The following OR7D2 variants were observed in gnomAD, a reference collection of about 807,000 sequenced individuals.
OR7D2 encodes olfactory receptor family 7 subfamily D member 2, also known as olfactory receptor 7D2.
For synonymous variants in OR7D2, 158 were observed against 158.7 expected (o/e 1.00, Z 0.03); for missense variants, 370 against 384.1 (o/e 0.96, Z 0.31).
rs1489964811 is a variant in OR7D2 at position 9,187,581 on chromosome 19, T to C, written c.*861T>C. On this transcript the variant is annotated 3_prime_UTR_variant, in exon 3 of 3. Coordinates refer to ENST00000641288, the MANE Select transcript of OR7D2 (RefSeq NM_175883.4). ...GGATGAGTTCTTTAGTGGTGACTTCTGAGTTTTTAGTGTACCCGTCACCCA... is the reference window on the plus strand; with the variant it reads ...GGATGAGTTCTTTAGTGGTGACTTCCGAGTTTTTAGTGTACCCGTCACCCA... The C allele has an allele frequency of 6.6e-5, 11 of 167,050 alleles. No homozygotes were observed. The highest frequency in any genetic ancestry group is 2.9e-5 in the Non-Finnish European group (2 of 68,120). The allele number at this position is 167,050 out of a possible 1,614,324, so 10.3% of individuals were successfully genotyped here.
chr19:9,184,759 ATATG>A (rs2051017910), intron 2 of OR7D2, among the ~76,000 whole-genome samples: 2 of 152,194 alleles, frequency 1.3e-5, no homozygotes, highest in Middle Eastern at 3.4e-3. Flanking sequence ...GTGTGTATAT[ATATG>A]TATGTGTGTG....
intron 2 of OR7D2, among the ~76,000 whole-genome samples, chr19:9,183,212 C>T (rs888256153): frequency 3.3e-5 from 5 of 152,124 alleles, no homozygotes; most frequent in African/African-American, 4.8e-5. Flanking sequence ...GGGTGGGTTC[C>T]GGGGCAGTGG....
At chr19:9,185,104 T>C (rs1192175730) in intron 2 of OR7D2, among the ~76,000 whole-genome samples, 1 of 152,106 alleles carries the variant, frequency 6.6e-6, no homozygotes, top group Non-Finnish European at 1.5e-5. Flanking sequence ...AGTCTAGAGA[T>C]CCAGTGTACC....
In OR7D2 at chr19:9,185,872, T is replaced by C. The variant is rs1488651035; in HGVS notation, c.91T>C (p.Phe31Leu). ...PELQPFIFGLFLSMYLVTVLG... is the reference protein window; with the variant it reads ...PELQPFIFGLLLSMYLVTVLG... ...ACTACAGCCGTTCATATTTGGGCTG[T>C]TCCTGTCCATGTACCTGGTGACGGT... Residue 31 changes from phenylalanine to leucine, a missense_variant, in exon 3 of 3, where the codon TTC becomes CTC. By Grantham distance (22) the Phe-to-Leu change is conservative. Transcript: ENST00000641288. 2 of 1,613,766 alleles carry C rather than the reference T, an allele frequency of 1.2e-6. No homozygotes were observed.
rs188597106 is a variant in OR7D2, at chr19:9,182,566, G to A, written c.-14+1778G>A. 58 of 166,246 alleles carry A rather than the reference G, an allele frequency of 3.5e-4. 2 individuals carry two copies. The East Asian group carries it at 8.5e-3, about 24-fold the overall frequency. The allele number at this position is 166,246 out of a possible 1,614,324, so 10.3% of individuals were successfully genotyped here. A position where few individuals can be genotyped will look rare whatever the true frequency, so the allele number is the denominator to read the frequency against. ...GGAGTCTCGCTCTCTCGCCCAGGCT[G>A]GAGTGCAGTGTCGCGAGATCTCGGC... On this transcript the variant is annotated intron_variant, in intron 2 of 2. Coordinates refer to ENST00000641288, the MANE Select transcript of OR7D2 (RefSeq NM_175883.4).
At chr19:9,179,829 C>A (rs2050977995) in intron 1 of OR7D2, among the ~76,000 whole-genome samples, 2 of 151,830 alleles carry the variant, frequency 1.3e-5, no homozygotes. Context: ...CATGGTGAAA[C>A]CCTGTCTCTA....
chr19:9,184,697 A>G (rs1007052632), intron 2 of OR7D2, among the ~76,000 whole-genome samples: 2 of 152,102 alleles, frequency 1.3e-5, no homozygotes. Flanking sequence ...TGTGATATAT[A>G]TGTATATGTA....
rs201439704 is a variant in OR7D2, at chr19:9,186,617, C to T, written c.836C>T (p.Thr279Ile). 2.6e-4 allele frequency: 421 copies of T among 1,613,950 alleles called. 6 individuals are homozygous for T. The Admixed American group carries it at 6.8e-3, about 26-fold the overall frequency. Residue 279 changes from threonine (T) to isoleucine (I), a missense_variant, in exon 3 of 3, where the codon ACT (threonine) becomes ATT (isoleucine). By Grantham distance (89) the Thr-to-Ile change is moderately conservative (BLOSUM62 -1). Coordinates refer to ENST00000641288, the MANE Select transcript of OR7D2 (RefSeq NM_175883.4). ...QKISVASVMY[T>I]VVTPMLNPFI... The stretch of plus-strand genomic sequence containing the variant: ...ATCTCCGTGGCCTCGGTGATGTACA[C>T]TGTGGTCACCCCCATGTTGAACCCC...
intron 2 of OR7D2, among the ~76,000 whole-genome samples, chr19:9,181,184 T>C (rs1375526491): frequency 4.4e-5 from 6 of 136,118 alleles, no homozygotes; most frequent in Admixed American, 4.1e-4. Context: ...TTGGCATTAA[T>C]ACCATATTAT....
In OR7D2 at chr19:9,187,800, C is replaced by G. The variant is rs1436827268; in HGVS notation, c.*1080C>G. 1 of 166,040 alleles carries G rather than the reference C, an allele frequency of 6.0e-6. No homozygotes were observed. Among genetic ancestry groups the G allele is most frequent in the Non-Finnish European group, 1.5e-5 (1 of 68,098 alleles). 10.3% of individuals were successfully genotyped at this position (166,040 alleles called of 1,614,324 possible). A position where few individuals can be genotyped will look rare whatever the true frequency, so the allele number is the denominator to read the frequency against. On this transcript the variant is annotated 3_prime_UTR_variant, in exon 3 of 3. Transcript: ENST00000641288. ...ACAAACAAGTCCAGGTTTTTCATTC[C>G]TGAGTTACTTCACCTAGAGTAATGA...
chr19:9,184,031 C>T (rs561249092), intron 2 of OR7D2, among the ~76,000 whole-genome samples: 2 of 147,120 alleles, frequency 1.4e-5, no homozygotes, highest in African/African-American at 5.0e-5. Flanking sequence ...AAGGGAACCC[C>T]TTGTGCCCTG....
In OR7D2 at chr19:9,179,141, C is replaced by T. The variant is rs2145977331; in HGVS notation, c.-105+18C>T. ...CAAGCAATGTCAGTTGAGTGACTCA[C>T]ACTATCCTTGTTAGTACCGTGTGTG... is the stretch of plus-strand genomic sequence containing the variant. On this transcript the variant is annotated intron_variant, in intron 1 of 2. Transcript: ENST00000641288. The T allele has an allele frequency of 6.6e-6, 1 of 152,060 alleles. No individual in the cohort carries two copies. Among genetic ancestry groups the T allele is most frequent in the Non-Finnish European group, 1.5e-5 (1 of 68,012 alleles). The allele number at this position is 152,060 out of a possible 1,614,324, so 9.4% of individuals were successfully genotyped here. A position where few individuals can be genotyped will look rare whatever the true frequency, so the allele number is the denominator to read the frequency against.
chr19:9,185,032 G>A (rs994788588), intron 2 of OR7D2, among the ~76,000 whole-genome samples: 3 of 152,016 alleles, frequency 2.0e-5, no homozygotes, highest in African/African-American at 7.2e-5. Flanking sequence ...GGTGCGGCTG[G>A]GGGAGAAAAT....
At chr19:9,180,073 T>C (rs1208872885) in intron 1 of OR7D2, among the ~76,000 whole-genome samples, 1 of 152,056 alleles carries the variant, frequency 6.6e-6, no homozygotes, top group Non-Finnish European at 1.5e-5. Flanking sequence ...CTGCACCAGA[T>C]GTTACATATA....
rs757326874 is a variant in OR7D2 at position 9,185,731 on chromosome 19, C to A, written c.-13-38C>A. 8.4e-6 allele frequency: 11 copies of A among 1,317,114 alleles called. 1 individual carries two copies. The highest frequency in any genetic ancestry group is 9.5e-6 in the Non-Finnish European group (9 of 951,468). The allele number at this position is 1,317,114 out of a possible 1,614,324, so 81.6% of individuals were successfully genotyped here. On this transcript the variant is annotated intron_variant, in intron 2 of 2. Transcript: ENST00000641288. The stretch of plus-strand genomic sequence containing the variant: ...CCCGAGTAGCTGGGACTACAGGTGT[C>A]CACCACCATGCCTGGCTAATGACCT...
At chr19:9,184,448 T>A (rs1288184950) in intron 2 of OR7D2, among the ~76,000 whole-genome samples, 4 of 151,746 alleles carry the variant, frequency 2.6e-5, no homozygotes, top group Non-Finnish European at 5.9e-5. Context: ...ATTTTGAGAC[T>A]CTTTCTCAAA....
At position 9,186,551 on chromosome 19, in the gene OR7D2, G is replaced by A. The variant is rs1568323517; in HGVS notation, c.770G>A (p.Gly257Glu). ...VVSLFYGTGI[G>E]VHFTSAVTHS... Reference sequence around the variant, plus strand: ...TCTTTATTTTATGGGACAGGCATTGGGGTCCACTTCACTTCTGCGGTGACT... The same window carrying A: ...TCTTTATTTTATGGGACAGGCATTGAGGTCCACTTCACTTCTGCGGTGACT... The change falls in exon 3 of 3, where the codon GGG becomes GAG. Residue 257 changes from glycine to glutamate, a missense_variant. Transcript: ENST00000641288. 1 of 1,614,018 alleles carries A rather than the reference G, an allele frequency of 6.2e-7. No homozygotes were observed. Among genetic ancestry groups the A allele is most frequent in the East Asian group, 2.2e-5 (1 of 44,860 alleles).
chr19:9,181,607 A>G (rs1219771783), intron 2 of OR7D2, among the ~76,000 whole-genome samples: 1 of 152,050 alleles, frequency 6.6e-6, no homozygotes, highest in African/African-American at 2.4e-5. Flanking sequence ...GGCATGTGCC[A>G]CCATGCCCAG....
At chr19:9,182,657 C>A (rs1188201990) in intron 2 of OR7D2, among the ~76,000 whole-genome samples, 2 of 151,990 alleles carry the variant, frequency 1.3e-5, no homozygotes, top group Non-Finnish European at 2.9e-5. Flanking sequence ...GTAGCTGGGA[C>A]TATAGGCGCC....
Sources: gnomAD v4.1 joint callset for allele counts (sites outside exome capture counted in the v4.1 genomes callset) on GRCh38, gnomAD v4.1.1 for gene constraint, MANE v1.5 for transcripts, NCBI Gene and HGNC (gene_info 2026-07-23, HGNC 2026-07-21) for gene names.